The following MARCHF4 variants were observed in gnomAD, a reference collection of about 807,000 sequenced individuals.
The protein encoded by MARCHF4 is E3 ubiquitin-protein ligase MARCHF4.
A neutral mutation model predicts 43.9 loss-of-function variants in MARCHF4; 14 were observed. The observed-to-expected ratio is 0.32, with a 90% CI of 0.21 to 0.50. MARCHF4 has a LOEUF of 0.50. Ranked by LOEUF, MARCHF4 falls within the 20% of genes least tolerant of loss-of-function variation. The probability of loss-of-function intolerance (pLI) is 0.98; values close to 1 mark genes in which losing one functional copy is unlikely to be tolerated. For missense variants in MARCHF4, 468 were observed against 536.7 expected, an observed-to-expected ratio of 0.87 and a Z score of 1.27; for synonymous variants, 226 against 213.3, an observed-to-expected ratio of 1.06 and a Z score of -0.52.
At chr2:216,294,588 A>G (rs1361945723) in intron 1 of MARCHF4, among the ~76,000 whole-genome samples, 1 of 152,204 alleles carries the variant, frequency 6.6e-6, no homozygotes, top group African/African-American at 2.4e-5. Context: ...GGCTTAAGCA[A>G]TCTAAGCCTT....
chr2:216,278,796 T>G (rs1691077228), intron 2 of MARCHF4, among the ~76,000 whole-genome samples: 1 of 152,190 alleles, frequency 6.6e-6, no homozygotes, highest in Non-Finnish European at 1.5e-5. Context: ...CTTATACCAG[T>G]ATTGACAGAT....
At chr2:216,268,996 G>C (rs1271351183) in intron 3 of MARCHF4, among the ~76,000 whole-genome samples, 1 of 151,946 alleles carries the variant, frequency 6.6e-6, no homozygotes, top group Non-Finnish European at 1.5e-5. Flanking sequence ...TTAAATCACT[G>C]AAAAGAACCT....
At chr2:216,320,519 G>A (rs1691862287) in intron 1 of MARCHF4, among the ~76,000 whole-genome samples, 1 of 152,106 alleles carries the variant, frequency 6.6e-6, no homozygotes, top group Non-Finnish European at 1.5e-5. Flanking sequence ...TAAAACCAAT[G>A]TCTACCCAAT....
At chr2:216,291,600 T>A (rs1330804542) in intron 1 of MARCHF4, among the ~76,000 whole-genome samples, 1 of 152,198 alleles carries the variant, frequency 6.6e-6, no homozygotes, top group Non-Finnish European at 1.5e-5. Flanking sequence ...TCTCAGTAAA[T>A]GCTGGCTAAT....
chr2:216,266,362 GA>G (rs1352063644), intron 3 of MARCHF4, among the ~76,000 whole-genome samples: 1 of 152,114 alleles, frequency 6.6e-6, no homozygotes, highest in African/African-American at 2.4e-5. Flanking sequence ...AATGCCACAT[GA>G]TATTGATTAT....
At chr2:216,354,903 CTTTCT>C (rs1278526392) in intron 1 of MARCHF4, among the ~76,000 whole-genome samples, 1 of 55,236 alleles carries the variant, frequency 1.8e-5, no homozygotes, top group South Asian at 8.1e-4. Flanking sequence ...TTCTTTCTTT[CTTTCT>C]TTCTTTCTTT....
intron 1 of MARCHF4, among the ~76,000 whole-genome samples, chr2:216,347,901 A>C (rs1692345710): frequency 6.6e-6 from 1 of 150,788 alleles, no homozygotes; most frequent in Non-Finnish European, 1.5e-5. Context: ...CAGTTTTCAT[A>C]CATCCCTCAT....
intron 1 of MARCHF4, among the ~76,000 whole-genome samples, chr2:216,298,913 G>T (rs759587495): frequency 6.6e-6 from 1 of 152,112 alleles, no homozygotes; most frequent in Non-Finnish European, 1.5e-5. Flanking sequence ...CATTTTTAAG[G>T]CTGTTACACA....
chr2:216,288,599 C>A (rs1043220020), intron 1 of MARCHF4, among the ~76,000 whole-genome samples: 13 of 151,988 alleles, frequency 8.6e-5, no homozygotes, highest in Non-Finnish European at 1.3e-4. Context: ...ACACTGGGAG[C>A]ATCTGGGGAA....
chr2:216,296,194 A>G (rs983963740), intron 1 of MARCHF4, among the ~76,000 whole-genome samples: 19 of 151,868 alleles, frequency 1.3e-4, no homozygotes, highest in Non-Finnish European at 1.3e-4. Context: ...AGTACAAAAA[A>G]AATTACTCGA....
chr2:216,364,461 C>A (rs189668091), intron 1 of MARCHF4, among the ~76,000 whole-genome samples: 1 of 152,284 alleles, frequency 6.6e-6, no homozygotes, highest in East Asian at 1.9e-4. Context: ...CTCTGCTCCC[C>A]ATTCAGCTGC....
chr2:216,324,026 G>A (rs1433236610), intron 1 of MARCHF4, among the ~76,000 whole-genome samples: 1 of 151,842 alleles, frequency 6.6e-6, no homozygotes, highest in Non-Finnish European at 1.5e-5. Context: ...GAATCCAGGA[G>A]CTGGTTTTTT....
chr2:216,332,929 TAATA>T (rs1692102524), intron 1 of MARCHF4, among the ~76,000 whole-genome samples: 1 of 152,298 alleles, frequency 6.6e-6, no homozygotes, highest in East Asian at 1.9e-4. Context: ...TTAGTCTTCT[TAATA>T]AATAGTTGCT....
At chr2:216,284,309 A>T (rs1691184133) in intron 1 of MARCHF4, among the ~76,000 whole-genome samples, 1 of 152,140 alleles carries the variant, frequency 6.6e-6, no homozygotes, top group South Asian at 2.1e-4. Context: ...TAGGAAGCCC[A>T]GTTTGGAGGA....
chr2:216,285,500 T>G (rs905344103), intron 1 of MARCHF4, among the ~76,000 whole-genome samples: 2 of 152,212 alleles, frequency 1.3e-5, no homozygotes, highest in Admixed American at 1.3e-4. Flanking sequence ...GTAAAGGGCC[T>G]GGTAAAGTTT....
chr2:216,333,166 C>T (rs1692106580), intron 1 of MARCHF4, among the ~76,000 whole-genome samples: 3 of 152,204 alleles, frequency 2.0e-5, no homozygotes. Context: ...AAATTAAGAA[C>T]ATTAGCTCAG....
intron 2 of MARCHF4, among the ~76,000 whole-genome samples, chr2:216,278,206 C>A (rs1212686206): frequency 1.3e-5 from 2 of 149,260 alleles, no homozygotes; most frequent in Admixed American, 6.7e-5. Context: ...GTTCTAGGCC[C>A]CCAGATGATT....
intron 1 of MARCHF4, among the ~76,000 whole-genome samples, chr2:216,365,388 C>G (rs1276258137): frequency 6.6e-6 from 1 of 152,230 alleles, no homozygotes; most frequent in African/African-American, 2.4e-5. Flanking sequence ...GCCTCCCACC[C>G]TAGCTTCTGA....
chr2:216,301,006 T>C (rs1355426638), intron 1 of MARCHF4, among the ~76,000 whole-genome samples: 2 of 152,204 alleles, frequency 1.3e-5, no homozygotes, highest in Non-Finnish European at 2.9e-5. Flanking sequence ...GGGGATAGGA[T>C]AAGTATCCTG....
Sources: gnomAD v4.1 joint callset for allele counts (sites outside exome capture counted in the v4.1 genomes callset) on GRCh38, gnomAD v4.1.1 for gene constraint, MANE v1.5 for transcripts, NCBI Gene and HGNC (gene_info 2026-07-23, HGNC 2026-07-21) for gene names.